TMEM176A: variants seen among roughly 807,000 people sequenced by gnomAD.
The protein encoded by TMEM176A is hepatocellular carcinoma-associated antigen 112.
A neutral mutation model predicts 27.9 loss-of-function variants in TMEM176A; 20 were observed. The observed-to-expected ratio is 0.72, with a 90% CI of 0.50 to 1.04. TMEM176A has a LOEUF of 1.04. TMEM176A is among the 50% of genes least tolerant of loss of function. The pLI is 0.00. For missense variants in TMEM176A, 252 were observed against 289.1 expected, an observed-to-expected ratio of 0.87 and a Z score of 0.93; for synonymous variants, 125 against 118.0, an observed-to-expected ratio of 1.06 and a Z score of -0.38.
intron 3 of TMEM176A, 180 bp from the exon 4 acceptor site, chr7:150,803,220 C>T (rs1798853067): frequency 2.7e-5 from 36 of 1,344,808 alleles, no homozygotes; most frequent in Non-Finnish European, 3.2e-5. Context: ...CCTTTTGCAG[C>T]CTCAGGAGTT....
At chr7:150,801,898 G>A in intron 2 of TMEM176A, 174 bp downstream of exon 2, 1 of 725,274 alleles carries the variant, frequency 1.4e-6, no homozygotes. Flanking sequence ...GAGGCTCTGG[G>A]CTGAAGGGGT....
At chr7:150,803,358 A>G (rs1798856185) in intron 3 of TMEM176A, 42 bp from the exon 4 acceptor site, 1 of 1,525,550 alleles carries the variant, frequency 6.6e-7, no homozygotes, top group Non-Finnish European at 8.8e-7. Context: ...GAGGAGTTGC[A>G]TTTCCTGTAC....
chr7:150,802,794 T>G (rs1584759775), intron 3 of TMEM176A: 1 of 994,376 alleles, frequency 1.0e-6, no homozygotes, highest in South Asian at 4.6e-5. Context: ...GGTAGGCTGG[T>G]CATGGTACCT....
intron 6 of TMEM176A, 73 bp downstream of exon 6, chr7:150,804,545 G>C: frequency 7.4e-7 from 1 of 1,350,956 alleles, no homozygotes; most frequent in Non-Finnish European, 1.1e-6. Context: ...ATGGACAGTG[G>C]ACAGTTTGGG....
chr7:150,804,310 C>T, intron 5 of TMEM176A, 52 bp from the exon 6 acceptor site: 1 of 1,423,818 alleles, frequency 7.0e-7, no homozygotes, highest in Non-Finnish European at 9.9e-7. Context: ...GGGGACAGAG[C>T]AGGAAGGCAG....
At chr7:150,801,294 G>T in intron 1 of TMEM176A, 1 of 460,418 alleles carries the variant, frequency 2.2e-6, no homozygotes, top group Non-Finnish European at 3.8e-6. Context: ...GGGGGACAGA[G>T]CAGATCTTGG....
chr7:150,804,949 T>C lies in TMEM176A; in HGVS notation c.*81T>C. Reference sequence around the variant, plus strand: ...CTGACTGCTGGAAGAAGAACCAGACTGAGGAAAAGAGGCTCTTCAACAGCC... The same window carrying C: ...CTGACTGCTGGAAGAAGAACCAGACCGAGGAAAAGAGGCTCTTCAACAGCC... On this transcript the variant is annotated 3_prime_UTR_variant, in exon 7 of 7. Transcript: ENST00000004103. The C allele has an allele frequency of 1.3e-6, 2 of 1,492,102 alleles. No individual in the cohort carries two copies. The highest frequency in any genetic ancestry group is 1.9e-6 in the Non-Finnish European group (2 of 1,069,946). The allele number at this position is 1,492,102 out of a possible 1,614,324, so 92.4% of individuals were successfully genotyped here.
At position 150,804,989 on chromosome 7, in the gene TMEM176A, C is replaced by T; in HGVS notation, c.*121C>T. 1 of 1,069,602 alleles carries T rather than the reference C, an allele frequency of 9.3e-7. No individual in the cohort carries two copies. The highest frequency in any genetic ancestry group is 1.3e-5 in the South Asian group (1 of 77,822). 66.3% of individuals were successfully genotyped at this position (1,069,602 alleles called of 1,614,324 possible). ...CTTCAACAGCCCCAGTTATCCTGGC[C>T]CCATGACCGTGGCCACAGCCCTGCT... On this transcript the variant is annotated 3_prime_UTR_variant, in exon 7 of 7. Coordinates refer to ENST00000004103, the MANE Select transcript of TMEM176A (RefSeq NM_018487.3).
At position 150,800,835 on chromosome 7, in the gene TMEM176A, C is replaced by A. The variant is rs1020450299; in HGVS notation, c.-16+7C>A. 2.5e-6 allele frequency: 2 copies of A among 805,984 alleles called. No individual in the cohort carries two copies. The highest frequency in any genetic ancestry group is 1.9e-5 in the African/African-American group (1 of 53,590). The allele number at this position is 805,984 out of a possible 1,614,324, so 49.9% of individuals were successfully genotyped here. On this transcript the variant is annotated splice_region_variant and intron_variant, in intron 1 of 6. Coordinates refer to ENST00000004103, the MANE Select transcript of TMEM176A (RefSeq NM_018487.3). Reference sequence around the variant, plus strand: ...CAGGTCCCGAGGAGCGCAGGTGAGGCGGCACCCCACTCCCGGCGGCCCCCG... The same window carrying A: ...CAGGTCCCGAGGAGCGCAGGTGAGGAGGCACCCCACTCCCGGCGGCCCCCG...
intron 2 of TMEM176A, 112 bp downstream of exon 2, chr7:150,801,836 TCTTA>T (rs773706059): frequency 2.8e-6 from 3 of 1,083,546 alleles, no homozygotes; most frequent in Non-Finnish European, 2.6e-6. Flanking sequence ...AGTTATGTCT[TCTTA>T]CTTAGCGATG....
intron 3 of TMEM176A, chr7:150,802,823 T>TA (rs1798844040): frequency 3.0e-6 from 3 of 989,952 alleles, no homozygotes; most frequent in South Asian, 9.3e-5. Context: ...AGAATAGCAC[T>TA]AAAACACTCA....
chr7:150,802,138 T>G, intron 2 of TMEM176A, 77 bp from the exon 3 acceptor site: 3 of 1,067,756 alleles, frequency 2.8e-6, no homozygotes, highest in South Asian at 1.3e-5. Context: ...CTCCCTCTCT[T>G]TTTGGGGTTT....
Position 150,801,032 on chromosome 7 carries a change from C to T in TMEM176A, c.-16+204C>T, listed in dbSNP as rs1798763144. 3 of 978,662 alleles carry T rather than the reference C, an allele frequency of 3.1e-6. No individual in the cohort carries two copies. In the African/African-American group the frequency reaches 5.2e-5, roughly 17 times the overall value. The allele number at this position is 978,662 out of a possible 1,614,324, so 60.6% of individuals were successfully genotyped here. On this transcript the variant is annotated intron_variant, in intron 1 of 6. Coordinates refer to ENST00000004103, the MANE Select transcript of TMEM176A (RefSeq NM_018487.3). ...GCGGTCCTTCACGGGGCAGGGGCGG[C>T]GTGAACCCGTCGGGCGTGAGCAGCA...
At chr7:150,802,814 G>A in intron 3 of TMEM176A, 1 of 991,184 alleles carries the variant, frequency 1.0e-6, no homozygotes, top group South Asian at 4.7e-5. Context: ...TACACTCTCA[G>A]AATAGCACTA....
At position 150,802,234 on chromosome 7, in the gene TMEM176A, G is replaced by A; in HGVS notation, c.194G>A (p.Gly65Glu). 1 of 1,614,018 alleles carries A rather than the reference G, an allele frequency of 6.2e-7. No homozygotes were observed. The highest frequency in any genetic ancestry group is 8.5e-7 in the Non-Finnish European group (1 of 1,179,998). Residue 65 changes from glycine (G) to glutamate (E), a missense_variant, in exon 3 of 7, where the codon GGG (glycine) becomes GAG (glutamate). Physicochemically the swap from Gly to Glu is moderately conservative, Grantham distance 98. Transcript: ENST00000004103. ...TTTCAGGTGATGCAGATCGTGCTGG[G>A]GATCTTGAGTGCAGTCCTAGGAGGA... Reference protein sequence around the residue: ...VASWVMQIVLGILSAVLGGFF... With the variant: ...VASWVMQIVLEILSAVLGGFF...
At chr7:150,801,127 G>GT in intron 1 of TMEM176A, 2 of 338,232 alleles carry the variant, frequency 5.9e-6, no homozygotes, top group Non-Finnish European at 8.4e-6. Flanking sequence ...CGCAGCTGCT[G>GT]GCACAGGAGC....
intron 3 of TMEM176A, chr7:150,802,559 G>A (rs726647): frequency 0.66 from 463,543 of 700,696 alleles, 154,535 homozygotes; most frequent in East Asian, 0.77. Flanking sequence ...CAGGCTGGCT[G>A]CCTCTCCCTG....
At chr7:150,802,420 G>A in intron 3 of TMEM176A, 95 bp downstream of exon 3, 1 of 1,121,272 alleles carries the variant, frequency 8.9e-7, no homozygotes, top group Non-Finnish European at 1.3e-6. Flanking sequence ...CAGAATGCTG[G>A]CAGTCGGAGA....
In TMEM176A at chr7:150,803,703, T is replaced by C. The variant is rs1408574333; in HGVS notation, c.426T>C (p.Tyr142=). 5 of 1,614,108 alleles carry C rather than the reference T, an allele frequency of 3.1e-6. No individual in the cohort carries two copies. Among genetic ancestry groups the C allele is most frequent in the Admixed American group, 3.3e-5 (2 of 60,006 alleles). ...ALKLWNEDFR[Y]GYSYYNSACR... is the part of the protein sequence containing the mutation. ...AACTTTGGAATGAAGATTTCCGATATGGCTACTCTTATTACAACAGTGCCT... is the reference window on the plus strand; with the variant it reads ...AACTTTGGAATGAAGATTTCCGATACGGCTACTCTTATTACAACAGTGCCT... The change falls in exon 5 of 7, where the codon TAT becomes TAC. Residue 142 remains tyrosine (Y), a synonymous_variant. Coordinates refer to ENST00000004103, the MANE Select transcript of TMEM176A (RefSeq NM_018487.3).
Sources: gnomAD v4.1 joint callset for allele counts on GRCh38, gnomAD v4.1.1 for gene constraint, MANE v1.5 for transcripts, NCBI Gene and HGNC (gene_info 2026-07-23, HGNC 2026-07-21) for gene names.